Variants in TMEM156 observed in about 807,000 individuals in gnomAD.
The protein encoded by TMEM156 is transmembrane protein 156.
Under a neutral mutation model 30.5 loss-of-function variants are expected in TMEM156, and 28 were observed. The ratio of observed to expected loss-of-function variants is 0.92; its 90% CI spans 0.68 to 1.26. The LOEUF (loss-of-function observed/expected upper bound fraction) is 1.26, where lower values mean the gene tolerates loss of function less well. Among genes scored for constraint, TMEM156 ranks in the 50% most tolerant of loss-of-function variants. The probability of loss-of-function intolerance (pLI) is 0.00; values close to 1 mark genes in which losing one functional copy is unlikely to be tolerated. For synonymous variants in TMEM156, 137 were observed against 119.9 expected, an observed-to-expected ratio of 1.14 and a Z score of -0.93; for missense variants, 351 against 340.6, an observed-to-expected ratio of 1.03 and a Z score of -0.24.
chr4:39,031,879 A>C (rs1463768487), intron 1 of TMEM156, among the ~76,000 whole-genome samples: 2 of 64,392 alleles, frequency 3.1e-5, no homozygotes, highest in South Asian at 5.7e-4. Context: ...ACTCCATCTC[A>C]AAAAAAAAAA....
chr4:38,983,082 G>A (rs1007880679), intron 5 of TMEM156, among the ~76,000 whole-genome samples: 6 of 152,198 alleles, frequency 3.9e-5, no homozygotes, highest in African/African-American at 1.4e-4. Context: ...AGTGGCCCCA[G>A]CAGTTCAGAG....
chr4:39,007,670 G>A (rs1373860922), intron 1 of TMEM156, among the ~76,000 whole-genome samples: 1 of 151,992 alleles, frequency 6.6e-6, no homozygotes, highest in African/African-American at 2.4e-5. Flanking sequence ...TGTTGGCCAG[G>A]ATGGTCTTAA....
chr4:38,969,200 C>G (rs185756485), intron 6 of TMEM156, among the ~76,000 whole-genome samples: 82 of 152,306 alleles, frequency 5.4e-4, no homozygotes, highest in African/African-American at 1.9e-3. Flanking sequence ...TAACCCATTT[C>G]CCTTCACTTT....
chr4:39,030,191 AAC>A (rs1715434726), intron 1 of TMEM156, among the ~76,000 whole-genome samples: 1 of 151,276 alleles, frequency 6.6e-6, no homozygotes, highest in Non-Finnish European at 1.5e-5. Flanking sequence ...AAAAAAAAAA[AAC>A]AACCCATCAA....
At chr4:39,019,427 T>C (rs1472020269) in intron 1 of TMEM156, among the ~76,000 whole-genome samples, 1 of 152,326 alleles carries the variant, frequency 6.6e-6, no homozygotes, top group East Asian at 1.9e-4. Context: ...CTGGTAACTT[T>C]TAATAGTCTT....
intron 1 of TMEM156, among the ~76,000 whole-genome samples, chr4:39,007,926 G>A (rs1713853117): frequency 6.6e-6 from 1 of 151,950 alleles, no homozygotes; most frequent in African/African-American, 2.4e-5. Context: ...TAGGAAATAT[G>A]TTTTCTGTCT....
chr4:39,029,144 T>G (rs1281504924), intron 1 of TMEM156, among the ~76,000 whole-genome samples: 1 of 152,206 alleles, frequency 6.6e-6, no homozygotes, highest in Non-Finnish European at 1.5e-5. Context: ...TTAAACATCA[T>G]GAGTATATTA....
At position 39,012,307 on chromosome 4, in the gene TMEM156, T is replaced by C. The variant is rs952629975; in HGVS notation, c.89-13398A>G. Among the ~76,000 whole-genome samples, 7 of 152,208 alleles carry C rather than the reference T, an allele frequency of 4.6e-5. No individual in the cohort carries two copies. The East Asian group carries it at 1.3e-3, about 29-fold the overall frequency. ...TTATTTGCAAATTACTATATTCTCT[T>C]TGTAAAAGAGAAATATTCTTACATT... is the stretch of plus-strand genomic sequence containing the variant. On this transcript the variant is annotated intron_variant, in intron 1 of 6. Coordinates refer to ENST00000381938, the MANE Select transcript of TMEM156 (RefSeq NM_024943.3).
At chr4:38,981,678 A>G (rs982452225) in intron 5 of TMEM156, among the ~76,000 whole-genome samples, 1 of 152,194 alleles carries the variant, frequency 6.6e-6, no homozygotes, top group African/African-American at 2.4e-5. Flanking sequence ...CCTTATCTTC[A>G]GTTTTCTCAT....
intron 1 of TMEM156, among the ~76,000 whole-genome samples, chr4:39,005,565 G>T (rs1386533393): frequency 6.6e-6 from 1 of 152,072 alleles, no homozygotes; most frequent in Non-Finnish European, 1.5e-5. Context: ...CTTTATAGCA[G>T]TGTGAAAACA....
intron 2 of TMEM156, 35 bp from the exon 3 acceptor site, chr4:38,994,033 T>C (rs762809701): frequency 3.8e-6 from 6 of 1,560,336 alleles, no homozygotes; most frequent in Non-Finnish European, 1.8e-6. Context: ...ATTTGCAAAA[T>C]ATTAATACAT....
chr4:38,988,775 C>T, intron 4 of TMEM156, 76 bp downstream of exon 4: 1 of 1,580,052 alleles, frequency 6.3e-7, no homozygotes, highest in Non-Finnish European at 8.6e-7. Context: ...ACAAGAAATG[C>T]TAAATTGTAC....
chr4:39,001,710 G>T (rs1713377093), intron 1 of TMEM156, among the ~76,000 whole-genome samples: 1 of 149,026 alleles, frequency 6.7e-6, no homozygotes, highest in Non-Finnish European at 1.5e-5. Context: ...ACAGAACAGA[G>T]CTCTCAGAAA....
intron 1 of TMEM156, among the ~76,000 whole-genome samples, chr4:39,014,054 A>G (rs1303542216): frequency 1.3e-5 from 2 of 152,210 alleles, no homozygotes; most frequent in African/African-American, 4.8e-5. Context: ...CTGCATTCCA[A>G]TAAAACTTTA....
intron 1 of TMEM156, among the ~76,000 whole-genome samples, chr4:39,000,868 C>A (rs1161919707): frequency 1.3e-5 from 2 of 152,052 alleles, no homozygotes; most frequent in Non-Finnish European, 2.9e-5. Flanking sequence ...GACTGGGCAA[C>A]AGAGTGAGAC....
rs551036357 is a variant in TMEM156, at chr4:39,023,700, T to TA, written c.88+8525dup. 3.9e-3 allele frequency among the ~76,000 whole-genome samples: 593 copies of TA among 151,212 alleles called. 3 individuals are homozygous for TA. Among genetic ancestry groups the TA allele is most frequent in the African/African-American group, 0.013 (522 of 41,178 alleles). ...CTACTAAAAATACAAAAAATAAAAA[T>TA]AAAAAAATCCAGGCATGGTGGTGGG... On this transcript the variant is annotated intron_variant, in intron 1 of 6. Coordinates refer to ENST00000381938, the MANE Select transcript of TMEM156 (RefSeq NM_024943.3).
intron 5 of TMEM156, among the ~76,000 whole-genome samples, chr4:38,978,184 T>G (rs189096382): frequency 2.6e-5 from 4 of 151,734 alleles, no homozygotes; most frequent in Non-Finnish European, 5.9e-5. Flanking sequence ...CCCCAGCCAT[T>G]TTTTTTTATT....
intron 5 of TMEM156, among the ~76,000 whole-genome samples, chr4:38,983,484 G>A (rs909515807): frequency 5.9e-5 from 9 of 152,040 alleles, no homozygotes; most frequent in African/African-American, 1.4e-4. Flanking sequence ...CTGCAGCCTC[G>A]ACTTTCCAGG....
At chr4:38,998,270 C>T (rs556039890) in intron 2 of TMEM156, among the ~76,000 whole-genome samples, 26 of 152,180 alleles carry the variant, frequency 1.7e-4, no homozygotes, top group Admixed American at 5.2e-4. Context: ...ATTGGCCAGG[C>T]GCTGTGGCTA....
Sources: gnomAD v4.1 joint callset for allele counts (sites outside exome capture counted in the v4.1 genomes callset) on GRCh38, gnomAD v4.1.1 for gene constraint, MANE v1.5 for transcripts, NCBI Gene and HGNC (gene_info 2026-07-23, HGNC 2026-07-21) for gene names.